Variants in COL21A1 observed in about 807,000 individuals in gnomAD.
COL21A1 encodes collagen type XXI alpha 1 chain.
Under a neutral mutation model 137.9 loss-of-function variants are expected in COL21A1, and 149 were observed. That is an observed-to-expected ratio of 1.08 (90% CI 0.95 to 1.24). The LOEUF is 1.24. COL21A1 is among the 50% of genes most tolerant of loss of function. COL21A1 has a pLI of 0.00. For missense variants in COL21A1, 1,167 were observed against 1,158.4 expected (o/e 1.01, Z -0.11); for synonymous variants, 456 against 391.5 (o/e 1.16, Z -1.95).
intron 29 of COL21A1, among the ~76,000 whole-genome samples, chr6:56,058,359 G>C (rs1765509906): frequency 6.6e-6 from 1 of 152,050 alleles, no homozygotes; most frequent in Admixed American, 6.6e-5. Context: ...AGGTATTAAA[G>C]CCCTAATTTG....
chr6:56,164,432 T>A lies in COL21A1; in HGVS notation c.1362A>T (p.Gln454His), dbSNP rs765213254. 6.3e-7 allele frequency: 1 copy of A among 1,582,052 alleles called. No homozygotes were observed. The highest frequency in any genetic ancestry group is 1.2e-5 in the South Asian group (1 of 86,252). The change falls in exon 9 of 30, where the codon CAA becomes CAT. Residue 454 changes from glutamine (Q) to histidine (H), a missense_variant. Transcript: ENST00000244728. The stretch of plus-strand genomic sequence containing the variant: ...GTTAGGTGTTACCCACTTTGGGGCC[T>A]TGAAGTCCTGGTTTTCCCGGAGGAC... ...CICPPGKPGL[Q>H]GPKGDPGLPG...
chr6:56,256,293 C>A (rs1028985027), intron 1 of COL21A1, among the ~76,000 whole-genome samples: 4 of 152,190 alleles, frequency 2.6e-5, no homozygotes, highest in Admixed American at 1.3e-4. Flanking sequence ...TCTGATGCAA[C>A]ACCTTTATTT....
At chr6:56,114,801 G>A (rs1392056244) in intron 16 of COL21A1, among the ~76,000 whole-genome samples, 3 of 148,048 alleles carry the variant, frequency 2.0e-5, no homozygotes, top group Non-Finnish European at 4.5e-5. Flanking sequence ...AATACCATTT[G>A]ACCCAGCCAT....
intron 1 of COL21A1, among the ~76,000 whole-genome samples, chr6:56,355,218 T>C (rs572350584): frequency 6.6e-6 from 1 of 152,344 alleles, no homozygotes; most frequent in Admixed American, 6.5e-5. Context: ...ACACCCGCTA[T>C]GGAATAGTGC....
chr6:56,069,858 G>A (rs1487706787), intron 21 of COL21A1, among the ~76,000 whole-genome samples: 1 of 150,800 alleles, frequency 6.6e-6, no homozygotes, highest in African/African-American at 2.4e-5. Flanking sequence ...TGAACATCCT[G>A]GTAGTTAAAT....
chr6:56,079,728 C>T (rs1217182397), intron 17 of COL21A1, among the ~76,000 whole-genome samples: 2 of 151,566 alleles, frequency 1.3e-5, no homozygotes, highest in Non-Finnish European at 3.0e-5. Context: ...AATTCCTTTT[C>T]TTTTTGTTCA....
Position 56,370,137 on chromosome 6 carries a change from C to CA in COL21A1, c.-39+23833dup, listed in dbSNP as rs201640919. Among the ~76,000 whole-genome samples the CA allele has an allele frequency of 7.4e-3, 1,127 of 152,060 alleles. 13 individuals carry two copies. Among genetic ancestry groups the CA allele is most frequent in the African/African-American group, 0.026 (1,063 of 41,486 alleles). On this transcript the variant is annotated intron_variant, in intron 1 of 28. Transcript: ENST00000370819. Reference sequence around the variant, plus strand: ...TGTATTTGTCTTTTCCTTTATTAATCAAAAAAACAGAAAAGGTCAACGGCC... The same window carrying CA: ...TGTATTTGTCTTTTCCTTTATTAATCAAAAAAAACAGAAAAGGTCAACGGCC...
At chr6:56,297,211 G>T (rs371191852) in intron 1 of COL21A1, among the ~76,000 whole-genome samples, 1 of 152,014 alleles carries the variant, frequency 6.6e-6, no homozygotes, top group Non-Finnish European at 1.5e-5. Flanking sequence ...GTTGCCATGC[G>T]CATGAGTTAC....
In COL21A1 at chr6:56,336,638, T is replaced by C. The variant is rs550532471; in HGVS notation, c.-39+57333A>G. On this transcript the variant is annotated intron_variant, in intron 1 of 28. Transcript: ENST00000370819. ...ACAGTGAATTACTGAAGAACACAAA[T>C]TGAAATCAGCTTCAACCAAATGAGA... Among the ~76,000 whole-genome samples, 36 of 152,298 alleles carry C rather than the reference T, an allele frequency of 2.4e-4. 1 individual carries two copies. In the Middle Eastern group the frequency reaches 0.014, roughly 58 times the overall value.
chr6:56,092,749 C>A (rs368061852), intron 17 of COL21A1, among the ~76,000 whole-genome samples: 4 of 152,226 alleles, frequency 2.6e-5, no homozygotes, highest in East Asian at 3.9e-4. Context: ...AAGAATTAGA[C>A]TAAATGAAAA....
intron 1 of COL21A1, among the ~76,000 whole-genome samples, chr6:56,368,757 G>A (rs942657947): frequency 4.6e-5 from 7 of 152,212 alleles, no homozygotes; most frequent in East Asian, 1.9e-4. Context: ...AGCAAGTGTC[G>A]CTTGGGACAT....
At chr6:56,125,526 A>G in intron 14 of COL21A1, 41 bp downstream of exon 14, 2 of 1,438,534 alleles carry the variant, frequency 1.4e-6, no homozygotes, top group South Asian at 1.3e-5. Flanking sequence ...CATTACATTA[A>G]AAGTTCAATA....
chr6:56,354,532 A>G (rs552866540), intron 1 of COL21A1, among the ~76,000 whole-genome samples: 39 of 152,344 alleles, frequency 2.6e-4, no homozygotes, highest in African/African-American at 8.9e-4. Flanking sequence ...ACATGACTAG[A>G]TTCCCATTGG....
chr6:56,152,130 G>C (rs1775376912), intron 10 of COL21A1, among the ~76,000 whole-genome samples: 1 of 152,064 alleles, frequency 6.6e-6, no homozygotes, highest in Non-Finnish European at 1.5e-5. Context: ...ATAAATTAAG[G>C]TACCAGCCAG....
chr6:56,359,258 A>C (rs984239342), intron 1 of COL21A1, among the ~76,000 whole-genome samples: 3 of 152,348 alleles, frequency 2.0e-5, no homozygotes, highest in African/African-American at 7.2e-5. Context: ...AGTTAGACTG[A>C]CACGGGATTA....
At position 56,057,007 on chromosome 6, in the gene COL21A1, C is replaced by T. The variant is rs1251553829; in HGVS notation, c.*650G>A. On this transcript the variant is annotated 3_prime_UTR_variant, in exon 30 of 30. Transcript: ENST00000244728. ...GTTTTTAATGTTAATTTTGACCATT[C>T]CCAAAGTAATTAATACTCTTTCTTA... 2 of 152,118 alleles carry T rather than the reference C, an allele frequency of 1.3e-5. No homozygotes were observed. The highest frequency in any genetic ancestry group is 1.5e-5 in the Non-Finnish European group (1 of 68,024). The allele number at this position is 152,118 out of a possible 1,614,324, so 9.4% of individuals were successfully genotyped here. A position where few individuals can be genotyped will look rare whatever the true frequency, so the allele number is the denominator to read the frequency against.
chr6:56,343,167 AATCACCATAGGG>A (rs1765508659), intron 1 of COL21A1, among the ~76,000 whole-genome samples: 1 of 152,166 alleles, frequency 6.6e-6, no homozygotes, highest in Non-Finnish European at 1.5e-5. Flanking sequence ...CTTTAAAAGT[AATCACCATAGGG>A]ACCACCCAGA....
intron 20 of COL21A1, 49 bp downstream of exon 20, chr6:56,074,183 C>T (rs1767005780): frequency 7.8e-7 from 1 of 1,282,494 alleles, no homozygotes; most frequent in Non-Finnish European, 1.1e-6. Flanking sequence ...TATAAATGGC[C>T]ACTGTGATTA....
intron 1 of COL21A1, among the ~76,000 whole-genome samples, chr6:56,309,045 C>CT (rs71809650): frequency 8.8e-4 from 128 of 146,056 alleles, no homozygotes; most frequent in Middle Eastern, 3.6e-3. Context: ...CCTCAATTAT[C>CT]TTTTTTTTTT....
Sources: gnomAD v4.1 joint callset for allele counts (sites outside exome capture counted in the v4.1 genomes callset) on GRCh38, gnomAD v4.1.1 for gene constraint, MANE v1.5 for transcripts, NCBI Gene and HGNC (gene_info 2026-07-23, HGNC 2026-07-21) for gene names.